TRIM31: variants seen among roughly 807,000 people sequenced by gnomAD.
TRIM31 encodes the protein tripartite motif containing 31, also known as E3 ubiquitin-protein ligase TRIM31.
In TRIM31, 31 loss-of-function variants were observed where a neutral mutation model predicts 40.6. That is an observed-to-expected ratio of 0.76 (90% CI 0.57 to 1.03). TRIM31 has a LOEUF of 1.03. Ranked by LOEUF, TRIM31 falls within the 50% of genes least tolerant of loss-of-function variation. The probability of loss-of-function intolerance (pLI) is 0.00; values close to 1 mark genes in which losing one functional copy is unlikely to be tolerated. For synonymous variants in TRIM31, 164 were observed against 193.9 expected (o/e 0.85, Z 1.28); for missense variants, 455 against 497.5 (o/e 0.91, Z 0.81).
At chr6:30,104,268 T>G in intron 7 of TRIM31, 101 bp from the exon 8 acceptor site, 1 of 1,158,922 alleles carries the variant, frequency 8.6e-7, no homozygotes, top group Non-Finnish European at 1.3e-6. Flanking sequence ...GAACAGTCAA[T>G]GGTTCTCAGT....
intron 5 of TRIM31, 120 bp downstream of exon 5, chr6:30,108,906 G>T: frequency 9.4e-7 from 1 of 1,063,412 alleles, no homozygotes; most frequent in Non-Finnish European, 1.5e-6. Flanking sequence ...ATGTATGAAT[G>T]CAGAGTTAGA....
At chr6:30,112,957 G>C in intron 1 of TRIM31, 69 bp from the exon 2 acceptor site, 1 of 635,976 alleles carries the variant, frequency 1.6e-6, no homozygotes, top group South Asian at 3.2e-5. Context: ...GAAGAGCAGA[G>C]AGAGAGGAAA....
rs3734838 is a variant in TRIM31 at position 30,112,454 on chromosome 6, G to T, written c.352C>A (p.Arg118Ser). 1.2e-6 allele frequency: 2 copies of T among 1,612,900 alleles called. No homozygotes were observed. The highest frequency in any genetic ancestry group is 2.7e-5 in the African/African-American group (2 of 74,896). The change falls in exon 2 of 9, where the codon CGT becomes AGT. Residue 118 changes from arginine to serine, a missense_variant. Coordinates refer to ENST00000376734, the MANE Select transcript of TRIM31 (RefSeq NM_007028.5). Reference sequence around the variant, plus strand: ...TGGGATTTGTGGTCCTTGGATTCACGACACACAAAACAGAGGAACTTCCCA... The same window carrying T: ...TGGGATTTGTGGTCCTTGGATTCACTACACACAAAACAGAGGAACTTCCCA... ...DDGKFLCFVCRESKDHKSHNV... is the reference protein window; with the variant it reads ...DDGKFLCFVCSESKDHKSHNV...
chr6:30,106,988 G>T (rs1472729689), intron 6 of TRIM31, among the ~76,000 whole-genome samples: 1 of 152,120 alleles, frequency 6.6e-6, no homozygotes, highest in Non-Finnish European at 1.5e-5. Context: ...TAACACCAGC[G>T]ACTTGGGAAG....
chr6:30,108,207 G>A (rs905652485), intron 5 of TRIM31, 39 bp from the exon 6 acceptor site: 1 of 1,436,114 alleles, frequency 7.0e-7, no homozygotes, highest in Non-Finnish European at 9.8e-7. Flanking sequence ...GAGATCAGGG[G>A]ATGAGGTGTG....
intron 4 of TRIM31, among the ~76,000 whole-genome samples, chr6:30,110,062 G>C (rs1210572785): frequency 1.5e-5 from 2 of 131,052 alleles, no homozygotes; most frequent in African/African-American, 5.7e-5. Flanking sequence ...CAAAAACCCA[G>C]AATGTGAAAT....
chr6:30,112,978 G>A, intron 1 of TRIM31, 86 bp downstream of exon 1: 1 of 554,154 alleles, frequency 1.8e-6, no homozygotes, highest in Non-Finnish European at 3.0e-6. Context: ...AGAAGAGGGA[G>A]AAAAAAATAA....
chr6:30,109,977 T>C (rs1476912329), intron 4 of TRIM31, among the ~76,000 whole-genome samples: 1 of 147,848 alleles, frequency 6.8e-6, no homozygotes, highest in Admixed American at 6.9e-5. Context: ...AGCATCTGAA[T>C]TGAGATGTGC....
Position 30,102,918 on chromosome 6 carries a change from A to C in TRIM31, c.*618T>G, listed in dbSNP as rs1392554216. ...AGGATTCCACGTTCAGTCGCAGTTTATTAAAGTTAGAAGTGTCTCCATCCA... is the reference window on the plus strand; with the variant it reads ...AGGATTCCACGTTCAGTCGCAGTTTCTTAAAGTTAGAAGTGTCTCCATCCA... On this transcript the variant is annotated 3_prime_UTR_variant, in exon 9 of 9. Transcript: ENST00000376734. The C allele has an allele frequency of 2.6e-5, 4 of 153,018 alleles. 1 individual carries two copies. The highest frequency in any genetic ancestry group is 5.8e-5 in the Non-Finnish European group (4 of 68,644). 9.5% of individuals were successfully genotyped at this position (153,018 alleles called of 1,614,324 possible). A position where few individuals can be genotyped will look rare whatever the true frequency, so the allele number is the denominator to read the frequency against.
chr6:30,109,060 A>G lies in TRIM31; in HGVS notation c.745-12T>C. The stretch of plus-strand genomic sequence containing the variant: ...ACGACTTTGATATCCTAGAAGAGAA[A>G]GAGAAACAGCACAGCCTCAGCACTT... On this transcript the variant is annotated splice_polypyrimidine_tract_variant and intron_variant, in intron 4 of 8. Coordinates refer to ENST00000376734, the MANE Select transcript of TRIM31 (RefSeq NM_007028.5). 6.2e-7 allele frequency: 1 copy of G among 1,612,992 alleles called. No homozygotes were observed. Among genetic ancestry groups the G allele is most frequent in the Non-Finnish European group, 8.5e-7 (1 of 1,180,012 alleles).
chr6:30,109,486 A>G (rs1419736700), intron 4 of TRIM31, among the ~76,000 whole-genome samples: 3 of 152,208 alleles, frequency 2.0e-5, no homozygotes, highest in Admixed American at 1.3e-4. Flanking sequence ...ACTGTCCAAT[A>G]TGGTAGCCAC....
chr6:30,109,638 T>G (rs1300684880), intron 4 of TRIM31, among the ~76,000 whole-genome samples: 1 of 152,160 alleles, frequency 6.6e-6, no homozygotes, highest in Admixed American at 6.5e-5. Context: ...CCCAGCACTT[T>G]GGGAGGCTGA....
rs546049981 is a variant in TRIM31, at chr6:30,103,485, A to G, written c.*51T>C. 5.6e-6 allele frequency: 9 copies of G among 1,605,376 alleles called. No homozygotes were observed. The highest frequency in any genetic ancestry group is 6.0e-6 in the Non-Finnish European group (7 of 1,176,086). On this transcript the variant is annotated 3_prime_UTR_variant, in exon 9 of 9. Transcript: ENST00000376734. Reference sequence around the variant, plus strand: ...TCAGCCACTCACTCAGCGCCACTCTATGCTCCGAAGTCCGTGTAGCACCAC... The same window carrying G: ...TCAGCCACTCACTCAGCGCCACTCTGTGCTCCGAAGTCCGTGTAGCACCAC...
At chr6:30,111,370 G>T in intron 3 of TRIM31, 1 of 458,994 alleles carries the variant, frequency 2.2e-6, no homozygotes, top group Non-Finnish European at 3.9e-6. Flanking sequence ...TCCGTTGAGG[G>T]CGCAGCTCGG....
In TRIM31 at chr6:30,105,229, A is replaced by G. The variant is rs184844324; in HGVS notation, c.897T>C (p.Ala299=). The G allele has an allele frequency of 1.2e-5, 19 of 1,612,804 alleles. No individual in the cohort carries two copies. The Admixed American group carries it at 2.5e-4, about 21-fold the overall frequency. Residue 299 remains alanine (A), a synonymous_variant, in exon 7 of 9, where the codon GCT becomes GCC. Transcript: ENST00000376734. ...ATCTGTTTTCATCTTTTTTCCTATC[A>G]GCCTGGAGTTGGTCTGGGGAATAAA... ...SLKKFKDQLQ[A]DRKKDENRFF...
chr6:30,103,895 G>A, intron 8 of TRIM31, 106 bp from the exon 9 acceptor site: 1 of 1,535,012 alleles, frequency 6.5e-7, no homozygotes, highest in Non-Finnish European at 8.9e-7. Flanking sequence ...AGGAGGGATG[G>A]AGGTGAAACT....
In TRIM31 at chr6:30,105,246, G is replaced by A; in HGVS notation, c.884-4C>T. The A allele has an allele frequency of 6.2e-7, 1 of 1,611,802 alleles. No homozygotes were observed. The highest frequency in any genetic ancestry group is 1.3e-5 in the African/African-American group (1 of 74,966). On this transcript the variant is annotated splice_polypyrimidine_tract_variant and splice_region_variant and intron_variant, in intron 6 of 8. Transcript: ENST00000376734. ...TTCCTATCAGCCTGGAGTTGGTCTG[G>A]GGAATAAAGAATGGGATGAAATGGT...
Position 30,103,575 on chromosome 6 carries a change from T to C in TRIM31, c.1239A>G (p.Thr413=). ...CCTCACAAAACCAAGCCCGGATCGC[T>C]GTCAGCCACTCACTCAGTGCCGCAT... ...ELHAALSEWL[T]AIRAWFCEVP... is the part of the protein sequence containing the mutation. Residue 413 remains threonine (T), a synonymous_variant, in exon 9 of 9, where the codon ACA becomes ACG. Transcript: ENST00000376734. The C allele has an allele frequency of 6.2e-7, 1 of 1,612,756 alleles. No individual in the cohort carries two copies. The highest frequency in any genetic ancestry group is 8.5e-7 in the Non-Finnish European group (1 of 1,179,758).
intron 1 of TRIM31, 21 bp from the exon 2 acceptor site, chr6:30,112,909 C>A: frequency 1.7e-6 from 2 of 1,166,508 alleles, no homozygotes; most frequent in South Asian, 1.9e-5. Context: ...AGAAGGGAGT[C>A]AGAGAAAGTG....
Sources: allele counts gnomAD v4.1 joint callset (sites outside exome capture counted in the v4.1 genomes callset), GRCh38; gene constraint gnomAD v4.1.1; transcripts MANE v1.5; gene names NCBI Gene and HGNC (gene_info 2026-07-23, HGNC 2026-07-21).